Variants in COL22A1 observed in about 807,000 individuals in gnomAD.
COL22A1 encodes the protein collagen type XXII alpha 1 chain.
A neutral mutation model predicts 248.9 loss-of-function variants in COL22A1; 221 were observed. The observed-to-expected ratio is 0.89, with a 90% CI of 0.80 to 0.99. The LOEUF (loss-of-function observed/expected upper bound fraction) is 0.99, where lower values mean the gene tolerates loss of function less well. Among genes scored for constraint, COL22A1 ranks in the 50% least tolerant of loss-of-function variants. The pLI is 0.00. For synonymous variants in COL22A1, 891 were observed against 793.4 expected (o/e 1.12, Z -2.07); for missense variants, 2,240 against 2,179.0 (o/e 1.03, Z -0.56).
rs569787056 is a variant in COL22A1, at chr8:138,606,444, T to C, written c.4041A>G (p.Lys1347=). The C allele has an allele frequency of 1.4e-5, 22 of 1,613,740 alleles. No homozygotes were observed. The Admixed American group carries it at 3.0e-4, about 22-fold the overall frequency. Reference sequence around the variant, plus strand: ...GGCTGCCATTTTCCCCTTTGCTTCCTTTCTGGCCCTGCAAAGAGAAAACTG... The same window carrying C: ...GGCTGCCATTTTCCCCTTTGCTTCCCTTCTGGCCCTGCAAAGAGAAAACTG... ...EPGPSGTPGQ[K]GSKGENGSPG... The change falls in exon 58 of 65, where the codon AAA becomes AAG. Residue 1347 remains lysine (K), a synonymous_variant. Transcript: ENST00000303045.
intron 22 of COL22A1, among the ~76,000 whole-genome samples, chr8:138,738,485 G>C (rs1251442130): frequency 6.6e-6 from 1 of 152,090 alleles, no homozygotes; most frequent in Non-Finnish European, 1.5e-5. Context: ...ATAAGACCTT[G>C]ATAAGATCTA....
At chr8:138,748,055 T>C (rs1198964100) in intron 22 of COL22A1, among the ~76,000 whole-genome samples, 1 of 152,190 alleles carries the variant, frequency 6.6e-6, no homozygotes, top group African/African-American at 2.4e-5. Context: ...GCAGGATGCC[T>C]TCTCAAGGGG....
intron 7 of COL22A1, among the ~76,000 whole-genome samples, chr8:138,818,444 GTGATCCTT>G (rs1483965036): frequency 6.6e-6 from 1 of 152,224 alleles, no homozygotes; most frequent in Non-Finnish European, 1.5e-5. Context: ...GGAGATAACA[GTGATCCTT>G]ATTGTGTCAT....
At chr8:138,835,731 T>C (rs1436590109) in intron 4 of COL22A1, among the ~76,000 whole-genome samples, 1 of 152,200 alleles carries the variant, frequency 6.6e-6, no homozygotes, top group East Asian at 1.9e-4. Context: ...GATACCCAGA[T>C]ACTCCTGACT....
At chr8:138,677,147 C>T (rs79838354) in intron 40 of COL22A1, among the ~76,000 whole-genome samples, 2 of 152,332 alleles carry the variant, frequency 1.3e-5, no homozygotes, top group East Asian at 1.9e-4. Context: ...CCTTTGCCTT[C>T]AAGCATAGTT....
At chr8:138,763,934 C>T (rs1321851131) in intron 16 of COL22A1, among the ~76,000 whole-genome samples, 1 of 152,206 alleles carries the variant, frequency 6.6e-6, no homozygotes, top group Non-Finnish European at 1.5e-5. Context: ...GGTGCGTTCA[C>T]TCTTGGTTCT....
chr8:138,687,833 A>G (rs909839646), intron 37 of COL22A1, among the ~76,000 whole-genome samples: 5 of 152,174 alleles, frequency 3.3e-5, no homozygotes, highest in Non-Finnish European at 5.9e-5. Context: ...TTATAAGGGG[A>G]ATGTCTCATG....
intron 16 of COL22A1, among the ~76,000 whole-genome samples, chr8:138,771,275 G>A (rs1055808333): frequency 2.0e-5 from 3 of 152,342 alleles, no homozygotes; most frequent in Non-Finnish European, 2.9e-5. Flanking sequence ...GAGCTATGGC[G>A]ACAGTCTAGG....
intron 40 of COL22A1, among the ~76,000 whole-genome samples, chr8:138,678,822 C>T (rs1314062504): frequency 2.6e-5 from 4 of 152,140 alleles, no homozygotes; most frequent in African/African-American, 4.8e-5. Flanking sequence ...AAAAGTTCTA[C>T]CAAATCCTCA....
chr8:138,659,518 T>C (rs1823596583), intron 44 of COL22A1, among the ~76,000 whole-genome samples: 1 of 152,204 alleles, frequency 6.6e-6, no homozygotes, highest in Non-Finnish European at 1.5e-5. Flanking sequence ...TCCCCAGTCT[T>C]GGTTGCTGCT....
intron 1 of COL22A1, 45 bp from the exon 2 acceptor site, chr8:138,883,289 G>C: frequency 1.0e-5 from 11 of 1,066,964 alleles, no homozygotes; most frequent in Non-Finnish European, 1.3e-5. Flanking sequence ...CAAGCTGAAA[G>C]TCTGTGAGAG....
chr8:138,889,163 C>G (rs1045685136), intron 1 of COL22A1, among the ~76,000 whole-genome samples: 2 of 152,246 alleles, frequency 1.3e-5, no homozygotes, highest in East Asian at 1.9e-4. Context: ...CCCCACGTCA[C>G]TCAGTTGGTG....
chr8:138,630,813 G>A (rs987535504), intron 49 of COL22A1, 65 bp from the exon 50 acceptor site: 3 of 1,370,658 alleles, frequency 2.2e-6, no homozygotes, highest in East Asian at 2.3e-5. Context: ...AGCACCCTCT[G>A]CTTTGAATAC....
chr8:138,837,850 C>A (rs1247596492), intron 4 of COL22A1, among the ~76,000 whole-genome samples: 2 of 152,110 alleles, frequency 1.3e-5, no homozygotes, highest in African/African-American at 4.8e-5. Flanking sequence ...GTTTTGAGAC[C>A]AGCCCATTCT....
intron 32 of COL22A1, among the ~76,000 whole-genome samples, chr8:138,695,406 C>T (rs1827428027): frequency 1.3e-5 from 2 of 152,102 alleles, no homozygotes; most frequent in Admixed American, 1.3e-4. Context: ...ACTGCCCAGA[C>T]CTTTCTTGAA....
At chr8:138,778,522 CA>C (rs1401677801) in intron 14 of COL22A1, 116 bp from the exon 15 acceptor site, 5 of 849,998 alleles carry the variant, frequency 5.9e-6, no homozygotes, top group Non-Finnish European at 9.1e-6. Context: ...CACCTCTCAC[CA>C]AGTGCTGCCC....
chr8:138,807,745 A>C (rs1446086034), intron 10 of COL22A1, 23 bp downstream of exon 10: 1 of 1,611,768 alleles, frequency 6.2e-7, no homozygotes. Context: ...TCTAAACTAC[A>C]CCTCTGCCAT....
intron 34 of COL22A1, among the ~76,000 whole-genome samples, chr8:138,693,923 T>A (rs1454821832): frequency 6.6e-6 from 1 of 151,866 alleles, no homozygotes; most frequent in Non-Finnish European, 1.5e-5. Flanking sequence ...CTACCCAGGG[T>A]ATAGGGGTCA....
chr8:138,630,836 A>G, intron 49 of COL22A1, 88 bp from the exon 50 acceptor site: 1 of 1,148,768 alleles, frequency 8.7e-7, no homozygotes. Flanking sequence ...AGCAATTGAT[A>G]TGGTTGGTTA....
Sources: gnomAD v4.1 joint callset for allele counts (sites outside exome capture counted in the v4.1 genomes callset) on GRCh38, gnomAD v4.1.1 for gene constraint, MANE v1.5 for transcripts, NCBI Gene and HGNC (gene_info 2026-07-23, HGNC 2026-07-21) for gene names.